Variants in KIF21A observed in about 807,000 individuals in gnomAD.
KIF21A encodes kinesin-like protein KIF21A.
KIF21A carries 114 observed loss-of-function variants against 202.9 expected under a neutral mutation model. The observed-to-expected ratio is 0.56, with a 90% CI of 0.48 to 0.66. KIF21A has a LOEUF of 0.66. Among genes scored for constraint, KIF21A ranks in the 30% least tolerant of loss-of-function variants. KIF21A has a pLI of 0.00. For synonymous variants in KIF21A, 667 were observed against 670.8 expected (o/e 0.99, Z 0.09); for missense variants, 1,677 against 1,994.9 (o/e 0.84, Z 3.04).
At position 39,436,450 on chromosome 12, in the gene KIF21A, T is replaced by TATATATATATATA. The variant is rs1424166622; in HGVS notation, c.44+6476_44+6477insTATATATATATAT. 7.0e-3 allele frequency among the ~76,000 whole-genome samples: 427 copies of TATATATATATATA among 60,620 alleles called. 8 individuals are homozygous for TATATATATATATA. Among genetic ancestry groups the TATATATATATATA allele is most frequent in the East Asian group, 0.033 (61 of 1,826 alleles). 39.8% of individuals were successfully genotyped at this position (60,620 alleles called of 152,430 possible). On this transcript the variant is annotated intron_variant, in intron 1 of 37. Transcript: ENST00000361418. ...TATATATATATATATATATATATAT[T>TATATATATATATA]TTTTTTTTTTTTAGACAGGGTTTCA...
chr12:39,379,291 G>A (rs1040688515), intron 1 of KIF21A, among the ~76,000 whole-genome samples: 1 of 149,346 alleles, frequency 6.7e-6, no homozygotes, highest in Non-Finnish European at 1.5e-5. Flanking sequence ...TCGTGCCACT[G>A]CACTCCAGCC....
intron 1 of KIF21A, among the ~76,000 whole-genome samples, chr12:39,431,053 G>T (rs1375308286): frequency 6.6e-6 from 1 of 152,192 alleles, no homozygotes; most frequent in African/African-American, 2.4e-5. Flanking sequence ...GACACACATG[G>T]AAATCACAGC....
In KIF21A at chr12:39,305,716, T is replaced by C. The variant is rs546587541; in HGVS notation, c.4443-778A>G. Among the ~76,000 whole-genome samples the C allele has an allele frequency of 9.8e-5, 15 of 152,322 alleles. No homozygotes were observed. In the South Asian group the frequency reaches 3.1e-3, roughly 32 times the overall value. On this transcript the variant is annotated intron_variant, in intron 34 of 37. Transcript: ENST00000361418. The stretch of plus-strand genomic sequence containing the variant: ...AAAATGATTAATTTTAACTCCAACC[T>C]AAATCCACCTAAACATCAATCTGCT...
chr12:39,296,921 T>A (rs1038230047), intron 37 of KIF21A, among the ~76,000 whole-genome samples: 2 of 152,202 alleles, frequency 1.3e-5, no homozygotes, highest in Non-Finnish European at 2.9e-5. Context: ...TTATTGTAGA[T>A]TTTGTGTTGA....
chr12:39,370,375 C>CTAA, intron 1 of KIF21A, 114 bp from the exon 2 acceptor site: 1 of 722,998 alleles, frequency 1.4e-6, no homozygotes, highest in Admixed American at 2.3e-5. Context: ...ATGTAATTAC[C>CTAA]TAATGCTTAT....
chr12:39,441,172 T>C (rs1269934932), intron 1 of KIF21A, among the ~76,000 whole-genome samples: 1 of 152,074 alleles, frequency 6.6e-6, no homozygotes, highest in African/African-American at 2.4e-5. Flanking sequence ...AAACCCACAT[T>C]CATTCACCTA....
chr12:39,371,205 A>T (rs1003729538), intron 1 of KIF21A, among the ~76,000 whole-genome samples: 1 of 152,188 alleles, frequency 6.6e-6, no homozygotes, highest in African/African-American at 2.4e-5. Context: ...TGGTTGTGGA[A>T]CCCCTGAATA....
chr12:39,430,188 G>GA (rs772853903), intron 1 of KIF21A, among the ~76,000 whole-genome samples: 3,466 of 128,446 alleles, frequency 0.027, 73 homozygotes, highest in African/African-American at 0.071. Context: ...TAAGACCCTG[G>GA]AAAAAAAAAA....
intron 1 of KIF21A, among the ~76,000 whole-genome samples, chr12:39,409,561 A>G (rs58648215): frequency 0.067 from 10,218 of 151,572 alleles, 528 homozygotes; most frequent in South Asian, 0.28. Flanking sequence ...AATATTACCA[A>G]AGATGGAGAG....
intron 32 of KIF21A, among the ~76,000 whole-genome samples, chr12:39,310,352 G>A (rs1943907334): frequency 6.6e-6 from 1 of 151,656 alleles, no homozygotes; most frequent in Non-Finnish European, 1.5e-5. Flanking sequence ...TTTTTTAATT[G>A]GAGAATTTCT....
intron 1 of KIF21A, among the ~76,000 whole-genome samples, chr12:39,391,366 C>T (rs1428249510): frequency 6.6e-6 from 1 of 152,070 alleles, no homozygotes; most frequent in Non-Finnish European, 1.5e-5. Flanking sequence ...GCGATACTAT[C>T]TATCTAAATG....
At chr12:39,393,824 C>T (rs1951543183) in intron 1 of KIF21A, among the ~76,000 whole-genome samples, 1 of 152,296 alleles carries the variant, frequency 6.6e-6, no homozygotes, top group Admixed American at 6.5e-5. Flanking sequence ...CATGAAATAA[C>T]ATGAAAATCA....
In KIF21A at chr12:39,370,318, C is replaced by T; in HGVS notation, c.45-57G>A. ...AAATAAATGGCAAAAAAAAACCTCT[C>T]AAAAAATAGGACTTAAAAACTCTTG... On this transcript the variant is annotated intron_variant, in intron 1 of 37. Transcript: ENST00000361418. 13 of 1,330,630 alleles carry T rather than the reference C, an allele frequency of 9.8e-6. No individual in the cohort carries two copies. The South Asian group carries it at 1.6e-4, about 16-fold the overall frequency. 82.4% of individuals were successfully genotyped at this position (1,330,630 alleles called of 1,614,324 possible). A position where few individuals can be genotyped will look rare whatever the true frequency, so the allele number is the denominator to read the frequency against.
At chr12:39,373,923 G>A (rs1268965511) in intron 1 of KIF21A, among the ~76,000 whole-genome samples, 3 of 152,124 alleles carry the variant, frequency 2.0e-5, no homozygotes, top group African/African-American at 7.2e-5. Flanking sequence ...CCAGCAAGAT[G>A]GGTGAAAACT....
chr12:39,324,579 T>TA, intron 26 of KIF21A, among the ~76,000 whole-genome samples: 1 of 152,318 alleles, frequency 6.6e-6, no homozygotes, highest in East Asian at 1.9e-4. Context: ...TTGATTGGCT[T>TA]AACCAGTGTT....
At position 39,318,184 on chromosome 12, in the gene KIF21A, G is replaced by C; in HGVS notation, c.3797C>G (p.Ser1266Ter). The change falls in exon 29 of 38, where the codon TCA becomes TGA. Residue 1266 changes from serine to a stop codon, truncating the protein, a stop_gained. Coordinates refer to ENST00000361418, the MANE Select transcript of KIF21A (RefSeq NM_001173464.2). LOFTEE classifies it high-confidence loss of function. ...AGAAGGAGGTGAAAGACTAGCCTCT[G>C]AAGTTCCAGAATCTGAGCTACAAGA... ...KEQKHSDSGT[S>*]EASLSPPSSP... is the part of the protein sequence containing the mutation. The C allele has an allele frequency of 6.2e-7, 1 of 1,613,354 alleles. No individual in the cohort carries two copies. Among genetic ancestry groups the C allele is most frequent in the South Asian group, 1.1e-5 (1 of 91,062 alleles).
intron 1 of KIF21A, among the ~76,000 whole-genome samples, chr12:39,432,286 C>CT (rs1442443521): frequency 1.3e-5 from 2 of 152,118 alleles, no homozygotes; most frequent in African/African-American, 4.8e-5. Flanking sequence ...ATCAATATAT[C>CT]TTTTTCTGGA....
intron 1 of KIF21A, among the ~76,000 whole-genome samples, chr12:39,438,526 A>G (rs1939131999): frequency 1.3e-5 from 2 of 152,160 alleles, no homozygotes; most frequent in African/African-American, 4.8e-5. Context: ...GAATGTCCAA[A>G]TAGCCCCTAA....
At chr12:39,402,841 G>C (rs1242535992) in intron 1 of KIF21A, among the ~76,000 whole-genome samples, 1 of 152,018 alleles carries the variant, frequency 6.6e-6, no homozygotes, top group Non-Finnish European at 1.5e-5. Context: ...GTGACCCAGG[G>C]AAGCCAAAAG....
Sources: gnomAD v4.1 joint callset for allele counts (sites outside exome capture counted in the v4.1 genomes callset) on GRCh38, gnomAD v4.1.1 for gene constraint, MANE v1.5 for transcripts, NCBI Gene and HGNC (gene_info 2026-07-23, HGNC 2026-07-21) for gene names.